The following RNF20 variants were observed in gnomAD, a reference collection of about 807,000 sequenced individuals.
The protein encoded by RNF20 is E3 ubiquitin-protein ligase BRE1A.
In RNF20, 84 loss-of-function variants were observed where a neutral mutation model predicts 126.2. The ratio of observed to expected loss-of-function variants is 0.67; its 90% CI spans 0.56 to 0.80. The LOEUF (loss-of-function observed/expected upper bound fraction) is 0.80, where lower values mean the gene tolerates loss of function less well. Ranked by LOEUF, RNF20 falls within the 30% of genes least tolerant of loss-of-function variation. The pLI is 0.00. For missense variants in RNF20, 869 were observed against 1,188.2 expected, an observed-to-expected ratio of 0.73 and a Z score of 3.95; for synonymous variants, 400 against 414.3, an observed-to-expected ratio of 0.97 and a Z score of 0.42.
chr9:101,553,097 G>A (rs991175502), intron 13 of RNF20, among the ~76,000 whole-genome samples: 2 of 152,176 alleles, frequency 1.3e-5, no homozygotes, highest in Non-Finnish European at 2.9e-5. Context: ...GGCGTTAATT[G>A]TAATTTAAAT....
chr9:101,534,806 T>TTTTTGG (rs1827156037), intron 1 of RNF20, among the ~76,000 whole-genome samples: 2 of 152,212 alleles, frequency 1.3e-5, no homozygotes, highest in African/African-American at 2.4e-5. Flanking sequence ...CAGAACTTTA[T>TTTTTGG]TTTTGGTCTC....
chr9:101,542,119 AGAATT>A (rs1827268751), intron 5 of RNF20, among the ~76,000 whole-genome samples: 1 of 152,224 alleles, frequency 6.6e-6, no homozygotes, highest in African/African-American at 2.4e-5. Flanking sequence ...TGAGCATATA[AGAATT>A]GTATTATTCT....
intron 5 of RNF20, among the ~76,000 whole-genome samples, chr9:101,542,829 A>G (rs1827280002): frequency 6.6e-6 from 1 of 152,236 alleles, no homozygotes; most frequent in Non-Finnish European, 1.5e-5. Context: ...GTTTAAGTTA[A>G]AAAGTAGAAA....
rs564453203 is a variant in RNF20 at position 101,547,011 on chromosome 9, G to A, written c.894+45G>A. On this transcript the variant is annotated intron_variant, in intron 7 of 19. Transcript: ENST00000389120. The stretch of plus-strand genomic sequence containing the variant: ...TTGGAGACTAGAATCATTTTAAGGA[G>A]TGTTCTCAGGAAGACTCACCTTGGG... 2.9e-5 allele frequency: 47 copies of A among 1,611,422 alleles called. No individual in the cohort carries two copies. The Middle Eastern group carries it at 1.8e-3, about 62-fold the overall frequency.
chr9:101,546,761 AT>A, intron 6 of RNF20, 58 bp from the exon 7 acceptor site: 1 of 1,578,094 alleles, frequency 6.3e-7, no homozygotes, highest in Non-Finnish European at 8.7e-7. Context: ...AAGGGTTAAT[AT>A]TATGGAATTT....
intron 10 of RNF20, among the ~76,000 whole-genome samples, chr9:101,551,122 T>G (rs769198734): frequency 3.9e-5 from 6 of 152,162 alleles, no homozygotes; most frequent in Non-Finnish European, 8.8e-5. Flanking sequence ...GGTATAAATA[T>G]TAAGGATAAA....
At chr9:101,536,612 G>C (rs1295261312) in intron 2 of RNF20, among the ~76,000 whole-genome samples, 1 of 152,194 alleles carries the variant, frequency 6.6e-6, no homozygotes, top group Admixed American at 6.5e-5. Context: ...ATAAATATTT[G>C]TTGAGTATTT....
rs1827324666 is a variant in RNF20 at position 101,544,888 on chromosome 9, A to G, written c.747+3A>G. 4 of 1,577,760 alleles carry G rather than the reference A, an allele frequency of 2.5e-6. No individual in the cohort carries two copies. Among genetic ancestry groups the G allele is most frequent in the Non-Finnish European group, 3.5e-6 (4 of 1,147,038 alleles). On this transcript the variant is annotated splice_donor_region_variant and intron_variant, in intron 6 of 19. Coordinates refer to ENST00000389120, the MANE Select transcript of RNF20 (RefSeq NM_019592.7). ...AGCATCGCACCATGTCTCAGGAGGTACTTAACCAAAAAGGAGAGATGGCTG... is the reference window on the plus strand; with the variant it reads ...AGCATCGCACCATGTCTCAGGAGGTGCTTAACCAAAAAGGAGAGATGGCTG...
At chr9:101,553,663 C>T (rs1827484786) in intron 13 of RNF20, among the ~76,000 whole-genome samples, 1 of 151,884 alleles carries the variant, frequency 6.6e-6, no homozygotes, top group Admixed American at 6.6e-5. Context: ...TGAACTCCAT[C>T]CCCAGACCTA....
At chr9:101,556,168 C>T (rs1827528417) in intron 15 of RNF20, among the ~76,000 whole-genome samples, 1 of 152,092 alleles carries the variant, frequency 6.6e-6, no homozygotes, top group South Asian at 2.1e-4. Flanking sequence ...AATGTGATCT[C>T]ATAAAAGTGC....
intron 13 of RNF20, among the ~76,000 whole-genome samples, chr9:101,553,017 G>T (rs1564111073): frequency 6.6e-6 from 1 of 152,056 alleles, no homozygotes; most frequent in Admixed American, 6.5e-5. Flanking sequence ...AGGATGTCAT[G>T]ATTGAGGTAA....
rs10989552 is a variant in RNF20 at position 101,542,776 on chromosome 9, C to T, written c.628+1801C>T. Among the ~76,000 whole-genome samples, 407 of 152,200 alleles carry T rather than the reference C, an allele frequency of 2.7e-3. 1 individual carries two copies. The highest frequency in any genetic ancestry group is 4.9e-3 in the Non-Finnish European group (334 of 68,012). On this transcript the variant is annotated intron_variant, in intron 5 of 19. Transcript: ENST00000389120. ...GGAATAAAATGAGTAGTATATCAAA[C>T]GACTTTAAAATTACTATTTAATGGC...
chr9:101,537,502 T>G (rs1588215685), intron 2 of RNF20, among the ~76,000 whole-genome samples: 1 of 151,966 alleles, frequency 6.6e-6, no homozygotes, highest in South Asian at 2.1e-4. Context: ...TAGAGAGAGG[T>G]CTGGGCTAAA....
In RNF20 at chr9:101,561,962, A is replaced by G. The variant is rs748114199; in HGVS notation, c.2702A>G (p.Asn901Ser). Residue 901 changes from asparagine to serine, a missense_variant, in exon 19 of 20, where the codon AAT becomes AGT. By Grantham distance (46) the Asn-to-Ser change is conservative (BLOSUM62 1). Transcript: ENST00000389120. ...CTGGAGACCACAAAGAAACCAGACA[A>G]TGTACCCAAGTGTGATGAGATTCTG... ...RKLETTKKPD[N>S]VPKCDEILME... The G allele has an allele frequency of 1.7e-5, 27 of 1,613,540 alleles. No homozygotes were observed. The highest frequency in any genetic ancestry group is 1.6e-4 in the Middle Eastern group (1 of 6,078).
intron 1 of RNF20, 113 bp from the exon 2 acceptor site, chr9:101,535,285 G>T: frequency 3.4e-6 from 2 of 592,982 alleles, no homozygotes; most frequent in Non-Finnish European, 5.5e-6. Flanking sequence ...TGGAATTAAT[G>T]GATCCAGGTT....
intron 16 of RNF20, among the ~76,000 whole-genome samples, chr9:101,560,274 T>G (rs1468698419): frequency 1.3e-5 from 2 of 152,190 alleles, no homozygotes; most frequent in African/African-American, 2.4e-5. Flanking sequence ...GACTATCTTT[T>G]TGATATGCTT....
rs532873393 is a variant in RNF20, at chr9:101,538,300, G to A, written c.130-1903G>A. Reference sequence around the variant, plus strand: ...AGTATAGGAAAGGTTATCTGTATGGGTATTGAAATCATTAAGAATGATGAC... The same window carrying A: ...AGTATAGGAAAGGTTATCTGTATGGATATTGAAATCATTAAGAATGATGAC... On this transcript the variant is annotated intron_variant, in intron 2 of 19. Coordinates refer to ENST00000389120, the MANE Select transcript of RNF20 (RefSeq NM_019592.7). Among the ~76,000 whole-genome samples, 5 of 152,294 alleles carry A rather than the reference G, an allele frequency of 3.3e-5. No individual in the cohort carries two copies. In the South Asian group the frequency reaches 8.3e-4, roughly 25 times the overall value.
intron 2 of RNF20, among the ~76,000 whole-genome samples, chr9:101,539,603 A>G (rs1305522012): frequency 6.6e-6 from 1 of 152,196 alleles, no homozygotes; most frequent in Non-Finnish European, 1.5e-5. Context: ...GGTGTTTTTC[A>G]GGGAATGGGA....
At position 101,540,833 on chromosome 9, in the gene RNF20, G is replaced by T; in HGVS notation, c.486G>T (p.Leu162Phe). The T allele has an allele frequency of 6.2e-7, 1 of 1,614,000 alleles. No individual in the cohort carries two copies. ...CAGCTTTCTCTTTCCTTGCTACTTT[G>T]GCCAGCAGTTCCAGTGAAGAGATGG... ...QEPAFSFLATLASSSSEEMES... is the reference protein window; with the variant it reads ...QEPAFSFLATFASSSSEEMES... Residue 162 changes from leucine (L) to phenylalanine (F), a missense_variant, in exon 5 of 20, where the codon TTG becomes TTT. Coordinates refer to ENST00000389120, the MANE Select transcript of RNF20 (RefSeq NM_019592.7).
Sources: allele counts gnomAD v4.1 joint callset (sites outside exome capture counted in the v4.1 genomes callset), GRCh38; gene constraint gnomAD v4.1.1; transcripts MANE v1.5; gene names NCBI Gene and HGNC (gene_info 2026-07-23, HGNC 2026-07-21).